EYA4: variants seen among roughly 807,000 people sequenced by gnomAD.
EYA4 encodes EYA transcriptional coactivator and phosphatase 4, also known as protein phosphatase EYA4.
A neutral mutation model predicts 87.9 loss-of-function variants in EYA4; 31 were observed. The observed-to-expected ratio is 0.35, with a 90% CI of 0.27 to 0.48. The LOEUF is 0.48. Among genes scored for constraint, EYA4 ranks in the 20% least tolerant of loss-of-function variants. EYA4 has a pLI of 0.99. For missense variants in EYA4, 678 were observed against 761.4 expected, an observed-to-expected ratio of 0.89 and a Z score of 1.29; for synonymous variants, 263 against 270.6, an observed-to-expected ratio of 0.97 and a Z score of 0.28.
chr6:133,312,808 T>A (rs978611917), intron 2 of EYA4, among the ~76,000 whole-genome samples: 2 of 151,886 alleles, frequency 1.3e-5, no homozygotes, highest in African/African-American at 4.8e-5. Flanking sequence ...TTAACTTCTC[T>A]TCTTAGTTTT....
rs1476463935 is a variant in EYA4 at position 133,251,917 on chromosome 6, G to C, written c.-66+10168G>C. ...ATACCTTCCTCCCAAGTTTAAACAT[G>C]AAGTCAAACAATTCTCATTAGTCTG... On this transcript the variant is annotated intron_variant, in intron 1 of 19. Coordinates refer to ENST00000355286, the MANE Select transcript of EYA4 (RefSeq NM_004100.5). Among the ~76,000 whole-genome samples, 3 of 152,150 alleles carry C rather than the reference G, an allele frequency of 2.0e-5. No individual in the cohort carries two copies. The South Asian group carries it at 6.2e-4, about 32-fold the overall frequency.
intron 13 of EYA4, among the ~76,000 whole-genome samples, chr6:133,500,928 T>G (rs1303032739): frequency 6.6e-6 from 1 of 152,216 alleles, no homozygotes; most frequent in Non-Finnish European, 1.5e-5. Flanking sequence ...TGTTGCCAAA[T>G]CAAGTGTTCC....
chr6:133,375,930 C>G (rs1768195147), intron 2 of EYA4, among the ~76,000 whole-genome samples: 1 of 151,808 alleles, frequency 6.6e-6, no homozygotes, highest in Non-Finnish European at 1.5e-5. Flanking sequence ...TTTTATTCAA[C>G]CCAGTCATAA....
chr6:133,256,750 A>G (rs570234901), intron 1 of EYA4, among the ~76,000 whole-genome samples: 48 of 152,268 alleles, frequency 3.2e-4, no homozygotes, highest in Non-Finnish European at 6.5e-4. Context: ...ACAGTTTTAA[A>G]ATGAAGTATA....
At chr6:133,286,113 A>C (rs1309872005) in intron 2 of EYA4, among the ~76,000 whole-genome samples, 1 of 152,214 alleles carries the variant, frequency 6.6e-6, no homozygotes, top group Non-Finnish European at 1.5e-5. Flanking sequence ...AAGCCCCAGA[A>C]TGATTCTTTG....
chr6:133,505,162 T>C (rs752212827), intron 13 of EYA4, among the ~76,000 whole-genome samples: 1 of 152,228 alleles, frequency 6.6e-6, no homozygotes, highest in Non-Finnish European at 1.5e-5. Context: ...TCTTTAGACA[T>C]CATTCCAACT....
At chr6:133,323,547 A>G (rs1405795644) in intron 2 of EYA4, among the ~76,000 whole-genome samples, 1 of 152,002 alleles carries the variant, frequency 6.6e-6, no homozygotes, top group Non-Finnish European at 1.5e-5. Flanking sequence ...TTCATTTTCT[A>G]CTAAAATTTG....
rs183492023 is a variant in EYA4, at chr6:133,405,457, A to T, written c.83+23016A>T. Among the ~76,000 whole-genome samples, 86 of 152,240 alleles carry T rather than the reference A, an allele frequency of 5.6e-4. 1 individual carries two copies. The highest frequency in any genetic ancestry group is 1.9e-3 in the African/African-American group (78 of 41,548). On this transcript the variant is annotated intron_variant, in intron 3 of 19. Coordinates refer to ENST00000355286, the MANE Select transcript of EYA4 (RefSeq NM_004100.5). ...CATCTACTAACTTCTTTATTCTTGC[A>T]TTGTCGTGATGATGTGACTGATTTC...
intron 2 of EYA4, among the ~76,000 whole-genome samples, chr6:133,308,194 A>G (rs1191251401): frequency 6.6e-6 from 1 of 152,138 alleles, no homozygotes; most frequent in South Asian, 2.1e-4. Flanking sequence ...TCATTAGTCC[A>G]TGAAAATGGA....
intron 3 of EYA4, among the ~76,000 whole-genome samples, chr6:133,382,794 CAAAAAA>C (rs34082768): frequency 7.6e-6 from 1 of 130,888 alleles, no homozygotes; most frequent in African/African-American, 3.1e-5. Context: ...TCTGTGTTTA[CAAAAAA>C]AAAAAAAAAA....
chr6:133,376,523 T>A (rs1785696703), intron 2 of EYA4, among the ~76,000 whole-genome samples: 1 of 151,948 alleles, frequency 6.6e-6, no homozygotes, highest in African/African-American at 2.4e-5. Context: ...TTTCACGATT[T>A]GTAATCAGAA....
At chr6:133,324,904 A>ATTTTTATTTT (rs1781375193) in intron 2 of EYA4, among the ~76,000 whole-genome samples, 4 of 83,538 alleles carry the variant, frequency 4.8e-5, no homozygotes, top group African/African-American at 1.9e-4. Flanking sequence ...TTCAGAAGCT[A>ATTTTTATTTT]TTTTTTTTTT....
At chr6:133,444,731 A>G (rs1342769701) in intron 3 of EYA4, among the ~76,000 whole-genome samples, 7 of 152,210 alleles carry the variant, frequency 4.6e-5, no homozygotes, top group Non-Finnish European at 1.0e-4. Context: ...AGTTTTGGAA[A>G]GGAACTCAGT....
chr6:133,271,841 AT>A (rs112205190), intron 1 of EYA4, among the ~76,000 whole-genome samples: 2,329 of 152,292 alleles, frequency 0.015, 28 homozygotes, highest in Middle Eastern at 0.054. Flanking sequence ...TATCCACTTG[AT>A]TATTGAAATC....
chr6:133,253,121 C>A (rs1775055798), intron 1 of EYA4, among the ~76,000 whole-genome samples: 1 of 152,038 alleles, frequency 6.6e-6, no homozygotes, highest in Admixed American at 6.6e-5. Context: ...TGGAGAAGGA[C>A]CCTGCATAGC....
intron 17 of EYA4, among the ~76,000 whole-genome samples, chr6:133,519,399 A>T (rs1354999665): frequency 1.4e-5 from 2 of 147,638 alleles, no homozygotes; most frequent in Non-Finnish European, 3.0e-5. Context: ...ATCTAGAAGA[A>T]ATGGATACAT....
Position 133,362,932 on chromosome 6 carries a change from C to T in EYA4, c.34-19460C>T, listed in dbSNP as rs192084988. 3.1e-3 allele frequency among the ~76,000 whole-genome samples: 478 copies of T among 152,314 alleles called. 3 individuals are homozygous for T. The highest frequency in any genetic ancestry group is 0.011 in the African/African-American group (446 of 41,560). ...AAAGAGGTCCACAGTTCTTACATGCCTCTCTCCAAGTATGCTGGGAAACTC... is the reference window on the plus strand; with the variant it reads ...AAAGAGGTCCACAGTTCTTACATGCTTCTCTCCAAGTATGCTGGGAAACTC... On this transcript the variant is annotated intron_variant, in intron 2 of 19. Coordinates refer to ENST00000355286, the MANE Select transcript of EYA4 (RefSeq NM_004100.5).
chr6:133,310,255 T>G (rs1355495542), intron 2 of EYA4, among the ~76,000 whole-genome samples: 2 of 152,200 alleles, frequency 1.3e-5, no homozygotes, highest in Non-Finnish European at 2.9e-5. Flanking sequence ...GAGATCTTAG[T>G]GCCTTGTTAT....
At chr6:133,396,066 T>C (rs1787768503) in intron 3 of EYA4, among the ~76,000 whole-genome samples, 1 of 152,232 alleles carries the variant, frequency 6.6e-6, no homozygotes, top group Admixed American at 6.5e-5. Context: ...ACTTTTACCA[T>C]GGGCATTGCA....
Sources: allele counts gnomAD v4.1 joint callset (sites outside exome capture counted in the v4.1 genomes callset), GRCh38; gene constraint gnomAD v4.1.1; transcripts MANE v1.5; gene names NCBI Gene and HGNC (gene_info 2026-07-23, HGNC 2026-07-21).